The following SWAP70 variants were observed in gnomAD, a reference collection of about 807,000 sequenced individuals.
SWAP70 encodes the protein switching B cell complex subunit SWAP70.
In SWAP70, 34 loss-of-function variants were observed where a neutral mutation model predicts 80.2. The observed-to-expected ratio is 0.42, with a 90% CI of 0.32 to 0.56. The LOEUF (loss-of-function observed/expected upper bound fraction) is 0.56, where lower values mean the gene tolerates loss of function less well. Ranked by LOEUF, SWAP70 falls within the 20% of genes least tolerant of loss-of-function variation. SWAP70 has a pLI of 0.09. For missense variants in SWAP70, 578 were observed against 690.7 expected (o/e 0.84, Z 1.83); for synonymous variants, 239 against 238.5 (o/e 1.00, Z -0.02).
intron 1 of SWAP70, among the ~76,000 whole-genome samples, chr11:9,670,557 G>T (rs567205221): frequency 1.4e-4 from 21 of 151,892 alleles, no homozygotes; most frequent in Non-Finnish European, 2.9e-4. Context: ...TTGAAGCTTG[G>T]AAAAAGAGGA....
In SWAP70 at chr11:9,664,092, G is replaced by T. The variant is rs960975699; in HGVS notation, c.-88G>T. 1 of 1,291,448 alleles carries T rather than the reference G, an allele frequency of 7.7e-7. No homozygotes were observed. 80.0% of individuals were successfully genotyped at this position (1,291,448 alleles called of 1,614,324 possible). Reference sequence around the variant, plus strand: ...CTGGCGGGTCAGGTGACTGCGCGGCGGGCTGTGGCTGCGGAGGTTGAGGGG... The same window carrying T: ...CTGGCGGGTCAGGTGACTGCGCGGCTGGCTGTGGCTGCGGAGGTTGAGGGG... On this transcript the variant is annotated 5_prime_UTR_variant, in exon 1 of 12. Transcript: ENST00000318950.
intron 4 of SWAP70, among the ~76,000 whole-genome samples, chr11:9,727,490 G>T (rs1851240995): frequency 6.7e-6 from 1 of 149,528 alleles, no homozygotes; most frequent in South Asian, 2.1e-4. Flanking sequence ...CTCCCAAAGT[G>T]CTGGGATTAC....
intron 3 of SWAP70, among the ~76,000 whole-genome samples, chr11:9,723,422 G>A (rs440523): frequency 0.33 from 49,703 of 151,916 alleles, 8,360 homozygotes; most frequent in Non-Finnish European, 0.35. Flanking sequence ...GCTGGTTGCT[G>A]CCCACTAAGT....
chr11:9,697,975 G>A (rs994108413), intron 2 of SWAP70, among the ~76,000 whole-genome samples: 1 of 151,530 alleles, frequency 6.6e-6, no homozygotes, highest in Non-Finnish European at 1.5e-5. Flanking sequence ...TTATAGAGAC[G>A]GGATCTCACT....
chr11:9,733,065 T>G (rs1012435137), intron 7 of SWAP70, among the ~76,000 whole-genome samples: 1 of 152,210 alleles, frequency 6.6e-6, no homozygotes, highest in South Asian at 2.1e-4. Flanking sequence ...TTTAGTTTTC[T>G]CCTTAGCTCC....
At chr11:9,694,383 A>G in intron 2 of SWAP70, 97 bp downstream of exon 2, 1 of 1,321,408 alleles carries the variant, frequency 7.6e-7, no homozygotes, top group Non-Finnish European at 1.0e-6. Context: ...TAAGGAGTTG[A>G]GGTACAAAGA....
chr11:9,743,548 C>A (rs1314062594), intron 9 of SWAP70, among the ~76,000 whole-genome samples: 1 of 151,476 alleles, frequency 6.6e-6, no homozygotes, highest in African/African-American at 2.4e-5. Context: ...TCTCCACATC[C>A]TCTCTAGCAC....
intron 2 of SWAP70, among the ~76,000 whole-genome samples, chr11:9,699,530 C>G (rs1015428080): frequency 2.6e-5 from 4 of 151,994 alleles, no homozygotes; most frequent in African/African-American, 9.7e-5. Flanking sequence ...AACACAAATA[C>G]TTGATGGCCT....
At chr11:9,688,568 C>T (rs138216663) in intron 1 of SWAP70, among the ~76,000 whole-genome samples, 2 of 152,148 alleles carry the variant, frequency 1.3e-5, no homozygotes, top group African/African-American at 4.8e-5. Flanking sequence ...AGTGGGCTGG[C>T]CTGTGGAGTG....
At chr11:9,702,416 T>G (rs569682822) in intron 2 of SWAP70, among the ~76,000 whole-genome samples, 45 of 152,124 alleles carry the variant, frequency 3.0e-4, no homozygotes, top group Non-Finnish European at 4.6e-4. Context: ...GTTTTGTTTT[T>G]TTTTTTGTTT....
chr11:9,740,683 C>T lies in SWAP70; in HGVS notation c.1355+336C>T, dbSNP rs142880012. 2.0e-4 allele frequency: 69 copies of T among 352,386 alleles called. No individual in the cohort carries two copies. In the Middle Eastern group the frequency reaches 5.8e-3, roughly 30 times the overall value. 21.8% of individuals were successfully genotyped at this position (352,386 alleles called of 1,614,324 possible). A position where few individuals can be genotyped will look rare whatever the true frequency, so the allele number is the denominator to read the frequency against. On this transcript the variant is annotated intron_variant, in intron 9 of 11. Coordinates refer to ENST00000318950, the MANE Select transcript of SWAP70 (RefSeq NM_015055.4). ...TGATAAGAGCTTGGCATCTTCAACA[C>T]GCTCCAGACCAGAGAGGGCCATTGG...
chr11:9,700,352 A>G (rs1249142522), intron 2 of SWAP70, among the ~76,000 whole-genome samples: 3 of 152,208 alleles, frequency 2.0e-5, no homozygotes, highest in Non-Finnish European at 2.9e-5. Context: ...CAAGGTTTCC[A>G]TGGTTTGAGT....
intron 2 of SWAP70, among the ~76,000 whole-genome samples, chr11:9,697,442 C>A (rs1850773427): frequency 6.6e-6 from 1 of 151,992 alleles, no homozygotes; most frequent in South Asian, 2.1e-4. Context: ...ACCACCACAC[C>A]CAGCTATTTT....
At chr11:9,748,080 C>T in intron 10 of SWAP70, 24 bp downstream of exon 10, 1 of 1,598,506 alleles carries the variant, frequency 6.3e-7, no homozygotes, top group Non-Finnish European at 8.5e-7. Context: ...GCCCTGCAAA[C>T]TTGTATATTT....
intron 1 of SWAP70, among the ~76,000 whole-genome samples, chr11:9,688,089 T>C (rs921926291): frequency 3.3e-5 from 5 of 152,224 alleles, no homozygotes; most frequent in African/African-American, 1.2e-4. Context: ...CACAGTCTTT[T>C]TATCTGTGAA....
chr11:9,677,549 C>T (rs1349097671), intron 1 of SWAP70, among the ~76,000 whole-genome samples: 1 of 152,068 alleles, frequency 6.6e-6, no homozygotes, highest in Admixed American at 6.6e-5. Flanking sequence ...CAAAATGAAG[C>T]TTAAAATTAA....
rs561008466 is a variant in SWAP70, at chr11:9,720,211, G to A, written c.415-4447G>A. 12 of 985,350 alleles carry A rather than the reference G, an allele frequency of 1.2e-5. No homozygotes were observed. In the East Asian group the frequency reaches 3.4e-4, roughly 28 times the overall value. The allele number at this position is 985,350 out of a possible 1,614,324, so 61.0% of individuals were successfully genotyped here. ...CCCTTAAGTTATTTGGTTATGATAC[G>A]TATATGATTGTGTTGAAAGTCAGCA... On this transcript the variant is annotated intron_variant, in intron 3 of 11. Coordinates refer to ENST00000318950, the MANE Select transcript of SWAP70 (RefSeq NM_015055.4).
chr11:9,716,167 A>G (rs1236717678), intron 3 of SWAP70, among the ~76,000 whole-genome samples: 1 of 152,230 alleles, frequency 6.6e-6, no homozygotes, highest in Non-Finnish European at 1.5e-5. Flanking sequence ...TCCTGTAGGC[A>G]GTGTGGAAAG....
intron 2 of SWAP70, among the ~76,000 whole-genome samples, chr11:9,699,817 C>CTGCACTGTGGCACAATGGT (rs1850808563): frequency 6.6e-6 from 1 of 151,406 alleles, no homozygotes; most frequent in Non-Finnish European, 1.5e-5. Context: ...GATTGTGCCA[C>CTGCACTGTGGCACAATGGT]TGCACTGTGG....
Sources: gnomAD v4.1 joint callset for allele counts (sites outside exome capture counted in the v4.1 genomes callset) on GRCh38, gnomAD v4.1.1 for gene constraint, MANE v1.5 for transcripts, NCBI Gene and HGNC (gene_info 2026-07-23, HGNC 2026-07-21) for gene names.